Variants in PIK3C2G observed in about 807,000 individuals in gnomAD.
PIK3C2G encodes phosphatidylinositol-4-phosphate 3-kinase catalytic subunit type 2 gamma, also known as phosphatidylinositol 3-kinase C2 domain-containing subunit gamma.
In PIK3C2G, 168 loss-of-function variants were observed where a neutral mutation model predicts 181.1. That is an observed-to-expected ratio of 0.93 (90% CI 0.82 to 1.05). The LOEUF (loss-of-function observed/expected upper bound fraction) is 1.05, where lower values mean the gene tolerates loss of function less well. PIK3C2G is among the 50% of genes least tolerant of loss of function. The pLI is 0.00. For synonymous variants in PIK3C2G, 573 were observed against 592.2 expected, an observed-to-expected ratio of 0.97 and a Z score of 0.47; for missense variants, 1,869 against 1,732.8, an observed-to-expected ratio of 1.08 and a Z score of -1.40.
rs1486532256 is a variant in PIK3C2G at position 18,420,929 on chromosome 12, A to C, written c.2316-12A>C. On this transcript the variant is annotated splice_polypyrimidine_tract_variant and intron_variant, in intron 16 of 32. Transcript: ENST00000538779. ...CATTAACAGCTTAGTGGATATATTT[A>C]CTGTGTATTAGTTTTCCAGATCAAG... 7.1e-7 allele frequency: 1 copy of C among 1,417,662 alleles called. No individual in the cohort carries two copies. Among genetic ancestry groups the C allele is most frequent in the Non-Finnish European group, 1.0e-6 (1 of 1,002,382 alleles). The allele number at this position is 1,417,662 out of a possible 1,614,324, so 87.8% of individuals were successfully genotyped here.
intron 28 of PIK3C2G, among the ~76,000 whole-genome samples, chr12:18,565,659 T>A (rs1945591749): frequency 6.6e-6 from 1 of 152,222 alleles, no homozygotes; most frequent in African/African-American, 2.4e-5. Context: ...ATAACTGCTG[T>A]ATTTGACATA....
At chr12:18,666,921 C>T in the PIK3C2G span, among the ~76,000 whole-genome samples, 1 of 152,108 alleles carries the variant, frequency 6.6e-6, no homozygotes, top group Non-Finnish European at 1.5e-5. Context: ...TAAACAAATT[C>T]TCTAGGAGGC....
At chr12:18,452,965 G>A (rs11044126) in intron 18 of PIK3C2G, among the ~76,000 whole-genome samples, 21,619 of 152,100 alleles carry the variant, frequency 0.14, 1,687 homozygotes, top group African/African-American at 0.2. Flanking sequence ...TGCATTTGCT[G>A]AGGAGTGTTT....
intron 29 of PIK3C2G, among the ~76,000 whole-genome samples, chr12:18,577,221 G>T (rs2136403679): frequency 6.6e-6 from 1 of 152,302 alleles, no homozygotes; most frequent in African/African-American, 2.4e-5. Flanking sequence ...GCATGCACAG[G>T]CAGAGAAGGT....
rs768736965 is a variant in PIK3C2G, at chr12:18,338,503, A to C, written c.1350A>C (p.Thr450=). 9 of 1,588,718 alleles carry C rather than the reference A, an allele frequency of 5.7e-6. No individual in the cohort carries two copies. The highest frequency in any genetic ancestry group is 5.5e-5 in the South Asian group (5 of 90,508). The change falls in exon 9 of 33, where the codon ACA becomes ACC. Residue 450 remains threonine, a synonymous_variant. Transcript: ENST00000538779. ...VLGCVETKQI[T]DAVNELSLIL... ...GGTGTGTGGAAACCAAACAAATTAC[A>C]GATGCAGTAAATGAACTAAGTCTAA...
At chr12:18,693,899 G>C in the PIK3C2G span, 1 of 1,529,178 alleles carries the variant, frequency 6.5e-7, no homozygotes, top group East Asian at 2.3e-5. Context: ...GATGACGCTG[G>C]CTGATGATGT....
intron 5 of PIK3C2G, among the ~76,000 whole-genome samples, chr12:18,295,528 TAC>T (rs1448854285): frequency 6.7e-5 from 10 of 149,834 alleles, no homozygotes; most frequent in African/African-American, 2.5e-4. Flanking sequence ...GGAGAAAATT[TAC>T]ACACCTTGAT....
At chr12:18,273,844 A>C (rs879518777) in intron 1 of PIK3C2G, among the ~76,000 whole-genome samples, 12 of 152,284 alleles carry the variant, frequency 7.9e-5, no homozygotes, top group Non-Finnish European at 1.6e-4. Flanking sequence ...GAGCAAAAGA[A>C]ACTACCATCA....
Position 18,423,737 on chromosome 12 carries a change from G to A in PIK3C2G, c.2410-208G>A, listed in dbSNP as rs189014538. Among the ~76,000 whole-genome samples, 12 of 152,258 alleles carry A rather than the reference G, an allele frequency of 7.9e-5. No homozygotes were observed. In the East Asian group the frequency reaches 2.1e-3, roughly 27 times the overall value. On this transcript the variant is annotated intron_variant, in intron 17 of 32. Transcript: ENST00000538779. ...TCTTATCCATATACAAGGAAAGGAA[G>A]CAAAACTATACAAATCCAAATGGTG...
chr12:18,608,936 G>C (rs114553109), intron 30 of PIK3C2G, among the ~76,000 whole-genome samples: 1,632 of 152,168 alleles, frequency 0.011, 26 homozygotes, highest in African/African-American at 0.037. Flanking sequence ...TGTCCTAGTA[G>C]TTTAGGCAAA....
At chr12:18,451,124 T>C (rs1353805899) in intron 18 of PIK3C2G, among the ~76,000 whole-genome samples, 1 of 152,192 alleles carries the variant, frequency 6.6e-6, no homozygotes, top group East Asian at 1.9e-4. Context: ...AAGTCAATGG[T>C]AGCTTGATGG....
intron 16 of PIK3C2G, among the ~76,000 whole-genome samples, chr12:18,402,777 G>T (rs115285341): frequency 6.6e-6 from 1 of 152,072 alleles, no homozygotes; most frequent in Non-Finnish European, 1.5e-5. Context: ...ATTATGCTTC[G>T]TGAGTCTTCT....
intron 1 of PIK3C2G, among the ~76,000 whole-genome samples, chr12:18,266,887 C>A (rs11043988): frequency 0.06 from 9,074 of 151,108 alleles, 396 homozygotes; most frequent in Non-Finnish European, 0.093. Flanking sequence ...TGGGTAAATG[C>A]TTCATTTTTA....
chr12:18,463,568 T>C (rs1042968200), intron 18 of PIK3C2G, among the ~76,000 whole-genome samples: 2 of 152,194 alleles, frequency 1.3e-5, no homozygotes, highest in Non-Finnish European at 2.9e-5. Flanking sequence ...GATTATATGA[T>C]GGTCGTGTTT....
intron 18 of PIK3C2G, among the ~76,000 whole-genome samples, chr12:18,476,432 C>T (rs1939003053): frequency 6.6e-6 from 1 of 152,028 alleles, no homozygotes; most frequent in African/African-American, 2.4e-5. Context: ...TAAGGATTTT[C>T]TATTTTATCC....
intron 12 of PIK3C2G, among the ~76,000 whole-genome samples, chr12:18,370,528 C>T (rs909858093): frequency 6.6e-6 from 1 of 152,166 alleles, no homozygotes; most frequent in African/African-American, 2.4e-5. Flanking sequence ...ACTCTCTACA[C>T]TTTGGCTGTT....
chr12:18,556,936 G>A (rs983507783), intron 26 of PIK3C2G, among the ~76,000 whole-genome samples: 4 of 152,014 alleles, frequency 2.6e-5, no homozygotes, highest in Non-Finnish European at 4.4e-5. Context: ...CAAGATAAAT[G>A]GCCTTGAATC....
the PIK3C2G span, among the ~76,000 whole-genome samples, chr12:18,665,991 A>C: frequency 0.017 from 2,641 of 151,914 alleles, 41 homozygotes; most frequent in Middle Eastern, 0.051. Flanking sequence ...ATGGAGCTAT[A>C]TGTGACCAAA....
intron 30 of PIK3C2G, among the ~76,000 whole-genome samples, chr12:18,599,102 G>A (rs1005417487): frequency 6.6e-5 from 10 of 152,090 alleles, no homozygotes; most frequent in Non-Finnish European, 8.8e-5. Flanking sequence ...ATTCCTCAGG[G>A]ATCTAGAACT....
Sources: allele counts gnomAD v4.1 joint callset (sites outside exome capture counted in the v4.1 genomes callset), GRCh38; gene constraint gnomAD v4.1.1; transcripts MANE v1.5; gene names NCBI Gene and HGNC (gene_info 2026-07-23, HGNC 2026-07-21).